The following KHDRBS2 variants were observed in gnomAD, a reference collection of about 807,000 sequenced individuals.
The protein encoded by KHDRBS2 is KH domain-containing, RNA-binding, signal transduction-associated protein 2.
In KHDRBS2, 26 loss-of-function variants were observed where a neutral mutation model predicts 44.3. That is an observed-to-expected ratio of 0.59 (90% confidence interval 0.43 to 0.81). The LOEUF is 0.81. Among genes scored for constraint, KHDRBS2 ranks in the 40% least tolerant of loss-of-function variants. The pLI is 0.00. For missense variants in KHDRBS2, 476 were observed against 433.1 expected (o/e 1.10, Z -0.88); for synonymous variants, 194 against 151.1 (o/e 1.28, Z -2.08).
rs374668019 is a variant in KHDRBS2 at position 61,698,632 on chromosome 6, T to C, written c.894-1379A>G. 3.9e-5 allele frequency among the ~76,000 whole-genome samples: 6 copies of C among 152,180 alleles called. No homozygotes were observed. In the East Asian group the frequency reaches 9.7e-4, roughly 25 times the overall value. ...AAATTCACAAATAGCTTCCCCATAG[T>C]CTTTAGGAGAAAAATAAAAAATTCT... On this transcript the variant is annotated intron_variant, in intron 7 of 8. Coordinates refer to ENST00000281156, the MANE Select transcript of KHDRBS2 (RefSeq NM_152688.4).
the KHDRBS2 span, chr6:61,574,427 G>A: frequency 1.5e-5 from 23 of 1,495,810 alleles, no homozygotes; most frequent in Admixed American, 6.2e-5. Context: ...AAGACCATAT[G>A]GAGCTTCAAT....
chr6:61,608,907 AT>A, the KHDRBS2 span, among the ~76,000 whole-genome samples: 1 of 152,160 alleles, frequency 6.6e-6, no homozygotes, highest in Admixed American at 6.6e-5. Flanking sequence ...ATATGTGTGT[AT>A]GTGTCTTTAT....
intron 6 of KHDRBS2, among the ~76,000 whole-genome samples, chr6:61,874,732 A>G (rs1799163737): frequency 6.6e-6 from 1 of 152,154 alleles, no homozygotes; most frequent in African/African-American, 2.4e-5. Context: ...AGTAGAGGTT[A>G]GCTTAGAAGC....
chr6:61,903,342 T>C (rs1804405658), intron 4 of KHDRBS2, among the ~76,000 whole-genome samples: 1 of 152,088 alleles, frequency 6.6e-6, no homozygotes, highest in Non-Finnish European at 1.5e-5. Flanking sequence ...AGATGGATTG[T>C]CATTGTTGGC....
At chr6:61,909,975 A>G (rs1268369315) in intron 4 of KHDRBS2, among the ~76,000 whole-genome samples, 1 of 152,212 alleles carries the variant, frequency 6.6e-6, no homozygotes, top group African/African-American at 2.4e-5. Flanking sequence ...CAATGCCAAG[A>G]CTTTCAGAAA....
chr6:61,968,315 C>A (rs1278555833), intron 4 of KHDRBS2, among the ~76,000 whole-genome samples: 1 of 151,882 alleles, frequency 6.6e-6, no homozygotes, highest in Non-Finnish European at 1.5e-5. Context: ...TTTGGCAATG[C>A]ATAATTCCAA....
chr6:61,915,822 T>G (rs1806890374), intron 4 of KHDRBS2, among the ~76,000 whole-genome samples: 1 of 152,030 alleles, frequency 6.6e-6, no homozygotes, highest in Non-Finnish European at 1.5e-5. Flanking sequence ...GTCTTAGGAC[T>G]TTAGTGGTAG....
intron 6 of KHDRBS2, among the ~76,000 whole-genome samples, chr6:61,863,642 A>G (rs1410627476): frequency 1.3e-5 from 2 of 152,190 alleles, no homozygotes; most frequent in Admixed American, 1.3e-4. Flanking sequence ...CTGTGATCCA[A>G]GAGACTGTTT....
At chr6:61,888,157 T>C (rs534394156) in intron 6 of KHDRBS2, among the ~76,000 whole-genome samples, 11 of 152,356 alleles carry the variant, frequency 7.2e-5, no homozygotes, top group Admixed American at 6.5e-4. Context: ...CATATTGTCC[T>C]TGGGGCTGGG....
chr6:62,159,225 C>T (rs1817098121), intron 2 of KHDRBS2, among the ~76,000 whole-genome samples: 1 of 152,050 alleles, frequency 6.6e-6, no homozygotes, highest in African/African-American at 2.4e-5. Context: ...CTGAGTTAAC[C>T]TTTTAACTTC....
chr6:62,255,166 C>G (rs1433861193), intron 1 of KHDRBS2, among the ~76,000 whole-genome samples: 2 of 152,002 alleles, frequency 1.3e-5, no homozygotes, highest in Non-Finnish European at 2.9e-5. Context: ...CCCAAAGTCT[C>G]CTTAACATCC....
intron 5 of KHDRBS2, among the ~76,000 whole-genome samples, chr6:61,900,895 T>A (rs1468125439): frequency 1.3e-5 from 2 of 152,236 alleles, no homozygotes; most frequent in African/African-American, 4.8e-5. Context: ...AACAGTAAAG[T>A]AGAAAATCTC....
At chr6:61,932,608 G>A (rs953485172) in intron 4 of KHDRBS2, among the ~76,000 whole-genome samples, 1 of 152,070 alleles carries the variant, frequency 6.6e-6, no homozygotes. Flanking sequence ...AGACCATCCT[G>A]GCTAACACGG....
intron 6 of KHDRBS2, among the ~76,000 whole-genome samples, chr6:61,847,638 T>G (rs1014833728): frequency 8.9e-5 from 13 of 146,468 alleles, no homozygotes; most frequent in Middle Eastern, 6.6e-3. Context: ...AACAGGGAGT[T>G]TTCTTTCTGT....
intron 1 of KHDRBS2, among the ~76,000 whole-genome samples, chr6:62,285,122 CA>C (rs1035816724): frequency 2.0e-5 from 3 of 149,808 alleles, no homozygotes; most frequent in Admixed American, 6.6e-5. Context: ...TGTCTTTTTT[CA>C]AAAAAAAACC....
the KHDRBS2 span, among the ~76,000 whole-genome samples, chr6:61,546,302 CAG>C: frequency 6.6e-6 from 1 of 151,616 alleles, no homozygotes; most frequent in African/African-American, 2.4e-5. Flanking sequence ...TAAAAAATAA[CAG>C]AAAATTTTAA....
At chr6:62,261,089 A>C (rs771559779) in intron 1 of KHDRBS2, among the ~76,000 whole-genome samples, 4 of 151,896 alleles carry the variant, frequency 2.6e-5, no homozygotes, top group Non-Finnish European at 4.4e-5. Flanking sequence ...TTTTAATGTG[A>C]AAAACTGAAG....
chr6:62,019,820 T>C (rs937313552), intron 3 of KHDRBS2, among the ~76,000 whole-genome samples: 4 of 151,812 alleles, frequency 2.6e-5, no homozygotes, highest in African/African-American at 9.7e-5. Context: ...TATTTTTCTC[T>C]TTTTTTTCTT....
At position 61,894,674 on chromosome 6, in the gene KHDRBS2, C is replaced by T; in HGVS notation, c.771G>A (p.Arg257=). ...ARGAPTVPGY[R]APPPPAHEAY... ...CTTCATGGGCTGGAGGAGGAGGTGC[C>T]CTGTATCCTGGCACTGTTGGTGCCC... The change falls in exon 6 of 9, where the codon AGG becomes AGA. Residue 257 remains arginine (R), a synonymous_variant. Transcript: ENST00000281156. The T allele has an allele frequency of 1.2e-6, 2 of 1,613,146 alleles. No homozygotes were observed. The highest frequency in any genetic ancestry group is 2.7e-5 in the African/African-American group (2 of 74,976).
Sources: gnomAD v4.1 joint callset for allele counts (sites outside exome capture counted in the v4.1 genomes callset) on GRCh38, gnomAD v4.1.1 for gene constraint, MANE v1.5 for transcripts, NCBI Gene and HGNC (gene_info 2026-07-23, HGNC 2026-07-21) for gene names.